Variants in AASS observed in about 807,000 individuals in gnomAD.
The protein encoded by AASS is alpha-aminoadipic semialdehyde synthase, mitochondrial.
A neutral mutation model predicts 105.4 loss-of-function variants in AASS; 86 were observed. The observed-to-expected ratio is 0.82, with a 90% confidence interval of 0.69 to 0.98. The LOEUF (loss-of-function observed/expected upper bound fraction) is 0.98. Ranked by LOEUF, AASS falls within the 50% of genes least tolerant of loss-of-function variation. The pLI is 0.00. For missense variants in AASS, 1,048 were observed against 1,143.2 expected, an observed-to-expected ratio of 0.92 and a Z score of 1.20; for synonymous variants, 381 against 394.8, an observed-to-expected ratio of 0.96 and a Z score of 0.41.
At chr7:122,131,094 G>A (rs1584896222) in intron 2 of AASS, among the ~76,000 whole-genome samples, 1 of 151,352 alleles carries the variant, frequency 6.6e-6, no homozygotes, top group African/African-American at 2.4e-5. Flanking sequence ...CTTTGGGGTG[G>A]GTGAGAATTG....
chr7:122,107,228 C>G (rs1271797571), intron 11 of AASS, among the ~76,000 whole-genome samples: 2 of 152,042 alleles, frequency 1.3e-5, no homozygotes, highest in African/African-American at 4.8e-5. Flanking sequence ...ACTAAAAGGT[C>G]AAAACATAAC....
chr7:122,113,670 A>C lies in AASS; in HGVS notation c.1094T>G (p.Phe365Cys), dbSNP rs1795037199. The change falls in exon 10 of 24, where the codon TTT becomes TGT. Residue 365 changes from phenylalanine (F) to cysteine (C), a missense_variant. Coordinates refer to ENST00000417368, the MANE Select transcript of AASS (RefSeq NM_005763.4). ...CTCTATTGTTGTACACTCAGTCATAAACTCTATAGACCCTCCTGTGTCAGC... is the reference window on the plus strand; with the variant it reads ...CTCTATTGTTGTACACTCAGTCATACACTCTATAGACCCTCCTGTGTCAGC... ...ISADTGGSIE[F>C]MTECTTIEHP... 6.2e-7 allele frequency: 1 copy of C among 1,613,520 alleles called. No homozygotes were observed. Among genetic ancestry groups the C allele is most frequent in the Non-Finnish European group, 8.5e-7 (1 of 1,179,898 alleles).
chr7:122,127,234 T>A (rs1795699643), intron 3 of AASS, among the ~76,000 whole-genome samples: 1 of 152,194 alleles, frequency 6.6e-6, no homozygotes, highest in Admixed American at 6.5e-5. Context: ...TAAAAACATA[T>A]TCTTCCTCTT....
intron 1 of AASS, among the ~76,000 whole-genome samples, chr7:122,141,758 G>T (rs1022449196): frequency 2.7e-5 from 4 of 149,458 alleles, no homozygotes; most frequent in African/African-American, 4.9e-5. Flanking sequence ...GGAAAACTTA[G>T]ACATGGGAGC....
chr7:122,101,362 A>G lies in AASS; in HGVS notation c.1406+9T>C, dbSNP rs1375787120. ...ATGTATAAAACAAGAGGATTTGAAC[A>G]ATACTTACCTGCTCTCCCGGAGTGT... On this transcript the variant is annotated intron_variant, in intron 13 of 23. Transcript: ENST00000417368. The G allele has an allele frequency of 2.5e-6, 4 of 1,597,620 alleles. No homozygotes were observed. In the South Asian group the frequency reaches 3.3e-5, roughly 13 times the overall value.
chr7:122,125,959 A>G (rs73426035), intron 4 of AASS, among the ~76,000 whole-genome samples: 8,018 of 152,254 alleles, frequency 0.053, 355 homozygotes, highest in African/African-American at 0.12. Flanking sequence ...AAACAGAGCT[A>G]CAACATATTG....
chr7:122,076,230 C>A lies in AASS; in HGVS notation c.*259G>T. On this transcript the variant is annotated 3_prime_UTR_variant, in exon 24 of 24. Transcript: ENST00000417368. ...GAAAAAAAGTGGCACAATAAATTAA[C>A]AAATAGCATGATCATCACTTTCACA... 6 of 383,372 alleles carry A rather than the reference C, an allele frequency of 1.6e-5. No individual in the cohort carries two copies. Among genetic ancestry groups the A allele is most frequent in the Admixed American group, 4.3e-5 (1 of 23,440 alleles). The allele number at this position is 383,372 out of a possible 1,614,324, so 23.7% of individuals were successfully genotyped here. A position where few individuals can be genotyped will look rare whatever the true frequency, so the allele number is the denominator to read the frequency against.
chr7:122,083,062 G>GAAA (rs1562903763), intron 19 of AASS, among the ~76,000 whole-genome samples: 25 of 147,802 alleles, frequency 1.7e-4, no homozygotes, highest in African/African-American at 5.8e-4. Context: ...GAGAAGAAAA[G>GAAA]AGAGAGAGGG....
intron 4 of AASS, among the ~76,000 whole-genome samples, chr7:122,125,463 C>A (rs949023723): frequency 1.3e-5 from 2 of 152,170 alleles, no homozygotes; most frequent in African/African-American, 4.8e-5. Flanking sequence ...AGTTTTGCCA[C>A]AAGAATACAC....
At chr7:122,093,811 A>T (rs1794018139) in intron 15 of AASS, among the ~76,000 whole-genome samples, 1 of 152,158 alleles carries the variant, frequency 6.6e-6, no homozygotes, top group Admixed American at 6.5e-5. Context: ...CCCTGTCTCA[A>T]TAAAACAAAA....
At chr7:122,101,263 T>C (rs1794417429) in intron 13 of AASS, 108 bp downstream of exon 13, 1 of 888,398 alleles carries the variant, frequency 1.1e-6, no homozygotes, top group Non-Finnish European at 1.8e-6. Flanking sequence ...AAAATTTATA[T>C]AGTGTACAAA....
intron 6 of AASS, among the ~76,000 whole-genome samples, chr7:122,117,607 TA>T (rs1245248088): frequency 4.6e-5 from 7 of 152,044 alleles, no homozygotes; most frequent in Admixed American, 3.3e-4. Context: ...TTTACACTGT[TA>T]ACAATGAATT....
chr7:122,094,533 C>T (rs538682318), intron 15 of AASS, among the ~76,000 whole-genome samples: 33 of 151,878 alleles, frequency 2.2e-4, no homozygotes, highest in Non-Finnish European at 3.2e-4. Context: ...GACAGCTTTA[C>T]CAAATAGTCA....
chr7:122,083,069 A>G (rs553098380), intron 19 of AASS, among the ~76,000 whole-genome samples: 61 of 147,048 alleles, frequency 4.1e-4, no homozygotes, highest in South Asian at 1.1e-3. Context: ...AAAGAGAGAG[A>G]GGGAAATAAT....
chr7:122,099,168 C>T (rs1310351268), intron 13 of AASS, among the ~76,000 whole-genome samples: 4 of 151,816 alleles, frequency 2.6e-5, no homozygotes, highest in Non-Finnish European at 5.9e-5. Context: ...GGTGCAGATG[C>T]TGGACATTTT....
At chr7:122,113,520 T>C in intron 10 of AASS, 78 bp downstream of exon 10, 1 of 1,565,630 alleles carries the variant, frequency 6.4e-7, no homozygotes, top group Non-Finnish European at 8.7e-7. Context: ...CATAAAGATG[T>C]AAAATACTGA....
intron 1 of AASS, among the ~76,000 whole-genome samples, chr7:122,134,842 C>G (rs1337930454): frequency 6.6e-6 from 1 of 152,148 alleles, no homozygotes; most frequent in East Asian, 1.9e-4. Flanking sequence ...TATTGTGGCA[C>G]TATTCACAAT....
intron 11 of AASS, among the ~76,000 whole-genome samples, chr7:122,110,886 A>C (rs1794901067): frequency 6.6e-6 from 1 of 152,128 alleles, no homozygotes; most frequent in Non-Finnish European, 1.5e-5. Flanking sequence ...GTTAACATAC[A>C]ACCAAGTTGG....
At chr7:122,084,596 G>C (rs1292967646) in intron 19 of AASS, among the ~76,000 whole-genome samples, 2 of 151,972 alleles carry the variant, frequency 1.3e-5, no homozygotes, top group Non-Finnish European at 2.9e-5. Context: ...TGCAGAGATA[G>C]AGAATAAAAC....
Sources: allele counts gnomAD v4.1 joint callset (sites outside exome capture counted in the v4.1 genomes callset), GRCh38; gene constraint gnomAD v4.1.1; transcripts MANE v1.5; gene names NCBI Gene and HGNC (gene_info 2026-07-23, HGNC 2026-07-21).